ISY1: variants seen among roughly 807,000 people sequenced by gnomAD.
The protein encoded by ISY1 is ISY1 spliceosome associated protein.
ISY1 carries 12 observed loss-of-function variants against 54.4 expected under a neutral mutation model. The observed-to-expected ratio is 0.22, with a 90% CI of 0.14 to 0.36. ISY1 has a LOEUF of 0.36. Ranked by LOEUF, ISY1 falls within the 10% of genes least tolerant of loss-of-function variation. The pLI is 1.00. For missense variants in ISY1, 282 were observed against 342.2 expected (o/e 0.82, Z 1.39); for synonymous variants, 96 against 117.9 (o/e 0.81, Z 1.20).
At chr3:129,144,818 C>G (rs1277023908) in intron 6 of ISY1, among the ~76,000 whole-genome samples, 1 of 152,074 alleles carries the variant, frequency 6.6e-6, no homozygotes, top group Non-Finnish European at 1.5e-5. Context: ...AAAAAAAGGA[C>G]AGAATGTAGT....
At chr3:129,138,073 G>A (rs543653458) in intron 7 of ISY1, among the ~76,000 whole-genome samples, 6 of 147,766 alleles carry the variant, frequency 4.1e-5, no homozygotes, top group Non-Finnish European at 7.5e-5. Flanking sequence ...TCAGGAGATT[G>A]AGACCATCCT....
At chr3:129,145,902 T>G in intron 5 of ISY1, 29 bp from the exon 6 acceptor site, 1 of 1,610,206 alleles carries the variant, frequency 6.2e-7, no homozygotes, top group Non-Finnish European at 8.5e-7. Context: ...AACAATATCA[T>G]TCCATAAAAA....
chr3:129,147,473 G>A (rs914212303), intron 5 of ISY1, among the ~76,000 whole-genome samples: 4 of 152,160 alleles, frequency 2.6e-5, no homozygotes, highest in Non-Finnish European at 5.9e-5. Context: ...ACCATGGTGA[G>A]ACTTTCCAGT....
In ISY1 at chr3:129,156,935, AT is replaced by A; in HGVS notation, c.79-16del. The stretch of plus-strand genomic sequence containing the variant: ...GGTCTTCGTTCCTAAGGAGAAAAAA[AT>A]AACACATTTCCATTATACTATTTAC... On this transcript the variant is annotated splice_polypyrimidine_tract_variant and intron_variant, in intron 3 of 10. Coordinates refer to ENST00000393295, the MANE Select transcript of ISY1 (RefSeq NM_020701.4). 1 of 1,613,652 alleles carries A rather than the reference AT, an allele frequency of 6.2e-7. No individual in the cohort carries two copies. Among genetic ancestry groups the A allele is most frequent in the Non-Finnish European group, 8.5e-7 (1 of 1,179,830 alleles).
rs1282637049 is a variant in ISY1 at position 129,159,182 on chromosome 3, AAG to A, written c.4-8_4-7del. 5 of 1,596,718 alleles carry A rather than the reference AAG, an allele frequency of 3.1e-6. No individual in the cohort carries two copies. Among genetic ancestry groups the A allele is most frequent in the South Asian group, 2.3e-5 (2 of 86,358 alleles). On this transcript the variant is annotated splice_polypyrimidine_tract_variant and splice_region_variant and intron_variant, in intron 1 of 10. Transcript: ENST00000393295. ...GCCTTTTCTGCATTTCGGGCCTGGA[AAG>A]AGAGAAAAGAGAAGAAAAATGTCCA...
At position 129,130,158 on chromosome 3, in the gene ISY1, T is replaced by C. The variant is rs749056720; in HGVS notation, c.781A>G (p.Met261Val). Residue 261 changes from methionine (M) to valine (V), a missense_variant, in exon 11 of 11, where the codon ATG (methionine) becomes GTG (valine). Around this residue, in one of 2 missense-constraint regions of ISY1, gnomAD observed 279 missense variants for 323.6 expected, o/e 0.86. Coordinates refer to ENST00000393295, the MANE Select transcript of ISY1 (RefSeq NM_020701.4). ...CTTGCATACTTCTGGAGGAGTTCCATTTTCTTCCTTCGCACCAGTGCCTCC... is the reference window on the plus strand; with the variant it reads ...CTTGCATACTTCTGGAGGAGTTCCACTTTCTTCCTTCGCACCAGTGCCTCC... ...IEEALVRRKK[M>V]ELLQKYASET... is the part of the protein sequence containing the mutation. The C allele has an allele frequency of 6.2e-7, 1 of 1,611,810 alleles. No homozygotes were observed.
intron 1 of ISY1, 86 bp downstream of exon 1, chr3:129,160,887 C>T: frequency 6.6e-7 from 1 of 1,507,020 alleles, no homozygotes; most frequent in Non-Finnish European, 9.0e-7. Flanking sequence ...GTCTGAGCCT[C>T]TACCGAATGA....
At chr3:129,149,427 CA>C (rs767849123) in intron 5 of ISY1, among the ~76,000 whole-genome samples, 590 of 24,190 alleles carry the variant, frequency 0.024, 2 homozygotes, top group East Asian at 0.061. Context: ...AACTCTATCT[CA>C]AAAAAAAAAA....
intron 7 of ISY1, among the ~76,000 whole-genome samples, chr3:129,137,766 G>C (rs924587819): frequency 2.7e-5 from 4 of 150,904 alleles, no homozygotes; most frequent in Admixed American, 1.3e-4. Context: ...CAAAAACTTT[G>C]CCGGGCGTGG....
chr3:129,159,722 TA>T (rs1937247467), intron 1 of ISY1, among the ~76,000 whole-genome samples: 1 of 152,214 alleles, frequency 6.6e-6, no homozygotes. Context: ...GAGTCCTGGC[TA>T]AGTCAGGGAC....
At position 129,136,322 on chromosome 3, in the gene ISY1, G is replaced by A. The variant is rs986949109; in HGVS notation, c.419-1368C>T. ...TCACCATGTTGGCCAGGCAAGTCTC[G>A]AACTCCTGACCTCAGGTGATCCACC... On this transcript the variant is annotated intron_variant, in intron 7 of 10. Coordinates refer to ENST00000393295, the MANE Select transcript of ISY1 (RefSeq NM_020701.4). Among the ~76,000 whole-genome samples the A allele has an allele frequency of 3.9e-5, 6 of 151,966 alleles. No homozygotes were observed. In the East Asian group the frequency reaches 5.8e-4, roughly 15 times the overall value.
intron 1 of ISY1, 55 bp downstream of exon 1, chr3:129,160,918 G>GGCCCGGGGGGGGGGGGGCCCCCCCCCC: frequency 3.0e-6 from 2 of 666,128 alleles, no homozygotes; most frequent in Non-Finnish European, 5.5e-6. Flanking sequence ...TGGACTGGGC[G>GGCCCGGGGGGGGGGGGGCCCCCCCCCC]CCCCCCCGCC....
chr3:129,130,815 A>T lies in ISY1; in HGVS notation c.664-179T>A, dbSNP rs770120167. 7.7e-5 allele frequency: 44 copies of T among 572,082 alleles called. 1 individual carries two copies. The highest frequency in any genetic ancestry group is 1.2e-4 in the Non-Finnish European group (40 of 347,412). The allele number at this position is 572,082 out of a possible 1,614,324, so 35.4% of individuals were successfully genotyped here. On this transcript the variant is annotated intron_variant, in intron 9 of 10. Transcript: ENST00000393295. ...TAAAAAAAGCCATAGAACACGCTGT[A>T]TATTATGCTACCTTTTGTCTAAGGA...
intron 7 of ISY1, among the ~76,000 whole-genome samples, chr3:129,138,685 T>C (rs1304653465): frequency 6.9e-6 from 1 of 145,716 alleles, no homozygotes; most frequent in African/African-American, 2.5e-5. Flanking sequence ...CATGGTGGCA[T>C]GCGCCTGTAG....
rs142620556 is a variant in ISY1 at position 129,136,776 on chromosome 3, G to A, written c.419-1822C>T. Among the ~76,000 whole-genome samples the A allele has an allele frequency of 6.5e-3, 978 of 151,116 alleles. 12 individuals carry two copies. Among genetic ancestry groups the A allele is most frequent in the African/African-American group, 0.022 (918 of 41,184 alleles). On this transcript the variant is annotated intron_variant, in intron 7 of 10. Transcript: ENST00000393295. ...GTGATCTCAGCTCACTGCAAGCTCC[G>A]CCTCCTGGGTTCACGCCATTCTCCT...
At chr3:129,155,887 A>T (rs1937119926) in intron 5 of ISY1, among the ~76,000 whole-genome samples, 1 of 151,938 alleles carries the variant, frequency 6.6e-6, no homozygotes, top group Non-Finnish European at 1.5e-5. Context: ...ACGTCCAGCC[A>T]ATTTTGTATT....
intron 9 of ISY1, among the ~76,000 whole-genome samples, 158 bp downstream of exon 9, chr3:129,133,916 C>A (rs1032966731): frequency 6.6e-6 from 1 of 152,170 alleles, no homozygotes; most frequent in Admixed American, 6.6e-5. Flanking sequence ...CTCCTGAAAC[C>A]CTCCTGTAAT....
rs113169787 is a variant in ISY1 at position 129,137,511 on chromosome 3, G to T, written c.419-2557C>A. ...ACATATAGAGCATAATCACAATATA[G>T]GAGCCACCCCAACACAACCCTTTAG... On this transcript the variant is annotated intron_variant, in intron 7 of 10. Coordinates refer to ENST00000393295, the MANE Select transcript of ISY1 (RefSeq NM_020701.4). Among the ~76,000 whole-genome samples, 870 of 152,102 alleles carry T rather than the reference G, an allele frequency of 5.7e-3. 3 individuals are homozygous for T. Among genetic ancestry groups the T allele is most frequent in the African/African-American group, 0.015 (619 of 41,504 alleles).
At position 129,130,043 on chromosome 3, in the gene ISY1, G is replaced by A; in HGVS notation, c.*38C>T. 1 of 1,501,532 alleles carries A rather than the reference G, an allele frequency of 6.7e-7. No homozygotes were observed. Among genetic ancestry groups the A allele is most frequent in the Non-Finnish European group, 9.0e-7 (1 of 1,116,240 alleles). 93.0% of individuals were successfully genotyped at this position (1,501,532 alleles called of 1,614,324 possible). A position where few individuals can be genotyped will look rare whatever the true frequency, so the allele number is the denominator to read the frequency against. On this transcript the variant is annotated 3_prime_UTR_variant, in exon 11 of 11. Transcript: ENST00000393295. ...AGCCCTGGGTCCTGAGGTACCACTG[G>A]GGGATGGAAGAACTCCAAGGAGAGC...
Sources: allele counts gnomAD v4.1 joint callset (sites outside exome capture counted in the v4.1 genomes callset), GRCh38; gene constraint gnomAD v4.1.1; regional missense constraint gnomAD v4.1.1; transcripts MANE v1.5; gene names NCBI Gene and HGNC (gene_info 2026-07-23, HGNC 2026-07-21).